Variants in HARS1 observed in about 807,000 individuals in gnomAD.
HARS1 encodes the protein histidyl-tRNA synthetase 1.
In HARS1, 45 loss-of-function variants were observed where a neutral mutation model predicts 63.6. That is an observed-to-expected ratio of 0.71 (90% CI 0.56 to 0.91). The LOEUF (loss-of-function observed/expected upper bound fraction) is 0.91, where lower values mean the gene tolerates loss of function less well. Ranked by LOEUF, HARS1 falls within the 40% of genes least tolerant of loss-of-function variation. The pLI is 0.00. For missense variants in HARS1, 508 were observed against 643.2 expected, an observed-to-expected ratio of 0.79 and a Z score of 2.27; for synonymous variants, 205 against 247.1, an observed-to-expected ratio of 0.83 and a Z score of 1.60.
chr5:140,684,029 C>T (rs2149833793), intron 2 of HARS1: 1 of 152,252 alleles, frequency 6.6e-6, no homozygotes, highest in East Asian at 1.9e-4. Flanking sequence ...GTGGCTCACA[C>T]CTGTAATGCC....
At position 140,676,567 on chromosome 5, in the gene HARS1, A is replaced by C; in HGVS notation, c.1194+87T>G. ...TTTCTGTGAGATGCTCCCTGCCCAA[A>C]GCAGCACCACTTGCTCCCTTGGAGA... is the stretch of plus-strand genomic sequence containing the variant. On this transcript the variant is annotated intron_variant, in intron 10 of 12. Coordinates refer to ENST00000504156, the MANE Select transcript of HARS1 (RefSeq NM_002109.6). The surrounding 1 kb of genome is among the most constrained non-coding windows in gnomAD (Gnocchi z 4.1). 7.2e-7 allele frequency: 1 copy of C among 1,394,452 alleles called. No homozygotes were observed. The highest frequency in any genetic ancestry group is 1.9e-5 in the Admixed American group (1 of 52,640). 86.4% of individuals were successfully genotyped at this position (1,394,452 alleles called of 1,614,324 possible). A position where few individuals can be genotyped will look rare whatever the true frequency, so the allele number is the denominator to read the frequency against.
intron 2 of HARS1, among the ~76,000 whole-genome samples, chr5:140,690,211 G>A (rs890628425): frequency 5.9e-5 from 9 of 152,150 alleles, no homozygotes; most frequent in Non-Finnish European, 8.8e-5. Flanking sequence ...CAGCACTTTG[G>A]GAGACTGAGG....
In HARS1 at chr5:140,674,302, C is replaced by T; in HGVS notation, c.1485G>A (p.Val495=). 2 of 1,612,430 alleles carry T rather than the reference C, an allele frequency of 1.2e-6. No individual in the cohort carries two copies. Among genetic ancestry groups the T allele is most frequent in the South Asian group, 1.1e-5 (1 of 91,050 alleles). ...EEVDVRREDL[V]EEIKRRTGQP... is the part of the protein sequence containing the mutation. ...GGCCTGTTCTCCTTTTGATTTCCTC[C>T]ACAAGGTCTTCTCTTCGGACATCCA... The change falls in exon 13 of 13, where the codon GTG becomes GTA. Residue 495 remains valine, a synonymous_variant. Transcript: ENST00000504156.
At chr5:140,683,418 C>T in intron 2 of HARS1, 199 bp from the exon 3 acceptor site, 5 of 955,524 alleles carry the variant, frequency 5.2e-6, no homozygotes, top group East Asian at 3.0e-5. Flanking sequence ...ATCTGCCTTC[C>T]AAACTCCATT....
At chr5:140,675,332 T>C (rs1450675415) in intron 10 of HARS1, 199 bp from the exon 11 acceptor site, 1 of 521,108 alleles carries the variant, frequency 1.9e-6, no homozygotes, top group African/African-American at 1.9e-5. Context: ...ACATAGGACG[T>C]ATCAGAATAA....
intron 3 of HARS1, among the ~76,000 whole-genome samples, chr5:140,681,487 G>T (rs775722922): frequency 1.3e-5 from 2 of 152,116 alleles, no homozygotes; most frequent in African/African-American, 4.8e-5. Context: ...GGTCAACATG[G>T]TGAAACCTCG....
At chr5:140,678,303 T>C (rs1383409575) in intron 5 of HARS1, 1 of 435,454 alleles carries the variant, frequency 2.3e-6, no homozygotes, top group Non-Finnish European at 4.1e-6. Flanking sequence ...ATTTTCCCTA[T>C]TCATCCAGAA....
rs1758187374 is a variant in HARS1, at chr5:140,673,938, A to G, written c.*319T>C. On this transcript the variant is annotated 3_prime_UTR_variant, in exon 13 of 13. Coordinates refer to ENST00000504156, the MANE Select transcript of HARS1 (RefSeq NM_002109.6). ...TGAGGCATTTTATTGGACCTTTGGC[A>G]ATTGGTGGTGGGGAGGCATCTGCTC... The G allele has an allele frequency of 1.8e-6, 1 of 558,456 alleles. No individual in the cohort carries two copies. Among genetic ancestry groups the G allele is most frequent in the Non-Finnish European group, 3.2e-6 (1 of 312,304 alleles). 34.6% of individuals were successfully genotyped at this position (558,456 alleles called of 1,614,324 possible).
In HARS1 at chr5:140,675,213, G is replaced by C; in HGVS notation, c.1195-80C>G. The C allele has an allele frequency of 5.5e-6, 5 of 902,628 alleles. No individual in the cohort carries two copies. The East Asian group carries it at 7.2e-5, about 13-fold the overall frequency. The allele number at this position is 902,628 out of a possible 1,614,324, so 55.9% of individuals were successfully genotyped here. On this transcript the variant is annotated intron_variant, in intron 10 of 12. Transcript: ENST00000504156. ...AAGCAGGCTCTAGTCGGGATTTTGAGACCAGGCCCAACTCAGCTCTACCAG... is the reference window on the plus strand; with the variant it reads ...AAGCAGGCTCTAGTCGGGATTTTGACACCAGGCCCAACTCAGCTCTACCAG...
At chr5:140,682,923 T>A (rs1453228832) in intron 3 of HARS1, 177 bp downstream of exon 3, 2 of 552,470 alleles carry the variant, frequency 3.6e-6, no homozygotes, top group East Asian at 2.9e-5. Flanking sequence ...ACCAAGATAA[T>A]AAAAGACAGG....
At chr5:140,681,093 AG>A (rs1758705111) in intron 3 of HARS1, among the ~76,000 whole-genome samples, 1 of 152,082 alleles carries the variant, frequency 6.6e-6, no homozygotes, top group Non-Finnish European at 1.5e-5. Context: ...TTCACTTACC[AG>A]GTTGGCAAAG....
Position 140,678,023 on chromosome 5 carries a change from G to A in HARS1, c.523-8C>T. On this transcript the variant is annotated splice_polypyrimidine_tract_variant and splice_region_variant and intron_variant, in intron 5 of 12. Coordinates refer to ENST00000504156, the MANE Select transcript of HARS1 (RefSeq NM_002109.6). ...CCCAGCAATGTCAAAATCCTGCAGG[G>A]AGAGGGTTAGCCAGCGGTCTTCAGG... 1.3e-6 allele frequency: 2 copies of A among 1,512,368 alleles called. No homozygotes were observed. The highest frequency in any genetic ancestry group is 9.2e-7 in the Non-Finnish European group (1 of 1,087,462). 93.7% of individuals were successfully genotyped at this position (1,512,368 alleles called of 1,614,324 possible). A position where few individuals can be genotyped will look rare whatever the true frequency, so the allele number is the denominator to read the frequency against.
In HARS1 at chr5:140,679,777, T is replaced by C; in HGVS notation, c.396+11A>G. 1.3e-6 allele frequency: 2 copies of C among 1,486,190 alleles called. No homozygotes were observed. The highest frequency in any genetic ancestry group is 1.9e-6 in the Non-Finnish European group (2 of 1,069,058). 92.1% of individuals were successfully genotyped at this position (1,486,190 alleles called of 1,614,324 possible). A position where few individuals can be genotyped will look rare whatever the true frequency, so the allele number is the denominator to read the frequency against. On this transcript the variant is annotated intron_variant, in intron 4 of 12. Coordinates refer to ENST00000504156, the MANE Select transcript of HARS1 (RefSeq NM_002109.6). The surrounding 1 kb of genome is among the most constrained non-coding windows in gnomAD (Gnocchi z 4.3). The stretch of plus-strand genomic sequence containing the variant: ...ATCCAAAGTCTCAAGAGCCCAAGTT[T>C]AGAAAGATACAGTGAGGTCATAGCG...
intron 2 of HARS1, among the ~76,000 whole-genome samples, chr5:140,686,603 C>CTTT (rs569351034): frequency 1.5e-5 from 2 of 135,942 alleles, no homozygotes; most frequent in Non-Finnish European, 1.6e-5. Flanking sequence ...TTCTAAAATT[C>CTTT]TTTTTTTTTT....
intron 2 of HARS1, among the ~76,000 whole-genome samples, chr5:140,685,747 T>A (rs1390713482): frequency 6.6e-6 from 1 of 151,254 alleles, no homozygotes; most frequent in Non-Finnish European, 1.5e-5. Flanking sequence ...ATTAAAATGG[T>A]AAATTTTATG....
intron 3 of HARS1, among the ~76,000 whole-genome samples, chr5:140,681,095 G>T (rs1280396261): frequency 6.6e-6 from 1 of 151,992 alleles, no homozygotes; most frequent in African/African-American, 2.4e-5. Context: ...CACTTACCAG[G>T]TTGGCAAAGA....
At chr5:140,680,308 G>A (rs1262751609) in intron 3 of HARS1, among the ~76,000 whole-genome samples, 3 of 151,900 alleles carry the variant, frequency 2.0e-5, no homozygotes, top group Admixed American at 6.6e-5. Flanking sequence ...CACCATGCCC[G>A]GCTAAGTTTT....
intron 5 of HARS1, 81 bp from the exon 6 acceptor site, chr5:140,678,096 AGGCCT>A (rs1461534918): frequency 2.4e-5 from 18 of 762,472 alleles, no homozygotes; most frequent in African/African-American, 6.8e-5. Context: ...TCCTCTAGGA[AGGCCT>A]GGTTGCACTC....
intron 3 of HARS1, among the ~76,000 whole-genome samples, chr5:140,681,726 G>C (rs1176523970): frequency 1.3e-5 from 2 of 151,916 alleles, no homozygotes; most frequent in Admixed American, 1.3e-4. Flanking sequence ...GAGAGGCCTG[G>C]AACAGATCCT....
Sources: gnomAD v4.1 joint callset for allele counts (sites outside exome capture counted in the v4.1 genomes callset) on GRCh38, gnomAD v4.1.1 for gene constraint, Gnocchi (gnomAD v3.1) non-coding constraint, MANE v1.5 for transcripts, NCBI Gene and HGNC (gene_info 2026-07-23, HGNC 2026-07-21) for gene names.